NKAIN2: variants seen among roughly 807,000 people sequenced by gnomAD.
NKAIN2 encodes sodium/potassium-transporting ATPase subunit beta-1-interacting protein 2.
NKAIN2 carries 14 observed loss-of-function variants against 32.6 expected under a neutral mutation model. That is an observed-to-expected ratio of 0.43 (90% CI 0.28 to 0.67). NKAIN2 has a LOEUF of 0.67. NKAIN2 is among the 30% of genes least tolerant of loss of function. The probability of loss-of-function intolerance (pLI) is 0.17; values close to 1 mark genes in which losing one functional copy is unlikely to be tolerated. For synonymous variants in NKAIN2, 80 were observed against 87.2 expected (o/e 0.92, Z 0.46); for missense variants, 198 against 258.3 (o/e 0.77, Z 1.60).
At chr6:124,193,583 T>C (rs1790139588) in intron 1 of NKAIN2, among the ~76,000 whole-genome samples, 1 of 152,156 alleles carries the variant, frequency 6.6e-6, no homozygotes, top group African/African-American at 2.4e-5. Context: ...AGCTCTTCTC[T>C]CCTTGTCACC....
chr6:124,414,465 G>A lies in NKAIN2; in HGVS notation c.273+59118G>A, dbSNP rs781599539. Among the ~76,000 whole-genome samples the A allele has an allele frequency of 7.2e-5, 11 of 151,928 alleles. No individual in the cohort carries two copies. The East Asian group carries it at 9.6e-4, about 13-fold the overall frequency. ...TGAGAGATATTGGTCTATAATTTTC[G>A]TTACTTGTATTTCTTGTCCAATCTT... On this transcript the variant is annotated intron_variant, in intron 3 of 6. Transcript: ENST00000368417.
intron 2 of NKAIN2, among the ~76,000 whole-genome samples, chr6:124,319,172 T>C (rs931778120): frequency 1.3e-5 from 2 of 152,072 alleles, no homozygotes; most frequent in Non-Finnish European, 2.9e-5. Flanking sequence ...AGGAAAACTA[T>C]AGTCCAGAGA....
At chr6:124,101,285 A>G (rs1413698211) in intron 1 of NKAIN2, among the ~76,000 whole-genome samples, 2 of 152,180 alleles carry the variant, frequency 1.3e-5, no homozygotes, top group Non-Finnish European at 2.9e-5. Context: ...ATCTCTGAAA[A>G]TCTGCCAAAC....
intron 1 of NKAIN2, among the ~76,000 whole-genome samples, chr6:123,961,559 T>C (rs1376915664): frequency 1.3e-5 from 2 of 152,206 alleles, no homozygotes; most frequent in African/African-American, 4.8e-5. Flanking sequence ...TTGAGTTATA[T>C]TTACTTGCCA....
intron 4 of NKAIN2, among the ~76,000 whole-genome samples, chr6:124,727,307 G>A (rs1014033039): frequency 2.6e-5 from 4 of 152,120 alleles, no homozygotes; most frequent in Admixed American, 1.3e-4. Context: ...AAGCCAGAGA[G>A]AAAGGTCGGG....
intron 3 of NKAIN2, among the ~76,000 whole-genome samples, chr6:124,480,178 A>T (rs1777387793): frequency 6.6e-6 from 1 of 152,166 alleles, no homozygotes; most frequent in South Asian, 2.1e-4. Context: ...TGAGGTAATA[A>T]AATTCTTTTT....
intron 1 of NKAIN2, among the ~76,000 whole-genome samples, chr6:123,894,450 T>G (rs1168120387): frequency 6.6e-6 from 1 of 152,134 alleles, no homozygotes; most frequent in African/African-American, 2.4e-5. Flanking sequence ...GAGCACAGAT[T>G]GTGAAGGTTA....
At chr6:124,522,952 G>T (rs893708706) in intron 3 of NKAIN2, among the ~76,000 whole-genome samples, 6 of 150,284 alleles carry the variant, frequency 4.0e-5, no homozygotes, top group African/African-American at 1.5e-4. Flanking sequence ...GACCATCCCG[G>T]CTAAAACGGT....
At chr6:124,077,331 T>G (rs192188629) in intron 1 of NKAIN2, among the ~76,000 whole-genome samples, 11 of 152,354 alleles carry the variant, frequency 7.2e-5, no homozygotes, top group African/African-American at 2.6e-4. Context: ...TGTCAGTGTT[T>G]TTACATCCGT....
intron 3 of NKAIN2, among the ~76,000 whole-genome samples, chr6:124,384,498 T>C (rs192175131): frequency 3.9e-5 from 6 of 152,294 alleles, no homozygotes; most frequent in Admixed American, 3.3e-4. Context: ...AATTATGTGC[T>C]TTATCAAGAC....
intron 4 of NKAIN2, among the ~76,000 whole-genome samples, chr6:124,683,848 T>C (rs1773738055): frequency 6.6e-6 from 1 of 152,182 alleles, no homozygotes; most frequent in South Asian, 2.1e-4. Flanking sequence ...CGAGCCCACA[T>C]GGTTCTGGCT....
In NKAIN2 at chr6:124,219,044, C is replaced by T. The variant is rs1050852146; in HGVS notation, c.55-63961C>T. Among the ~76,000 whole-genome samples, 4 of 151,914 alleles carry T rather than the reference C, an allele frequency of 2.6e-5. 1 individual carries two copies. The highest frequency in any genetic ancestry group is 9.7e-5 in the African/African-American group (4 of 41,380). On this transcript the variant is annotated intron_variant, in intron 1 of 6. Coordinates refer to ENST00000368417, the MANE Select transcript of NKAIN2 (RefSeq NM_001040214.3). ...TTCCAAACGCTTACTGGGGAGACCA[C>T]CTCCATGATGCAATCACCTCCCTCC...
chr6:124,607,856 G>A (rs73772187), intron 3 of NKAIN2, among the ~76,000 whole-genome samples: 4 of 151,876 alleles, frequency 2.6e-5, no homozygotes, highest in South Asian at 2.1e-4. Context: ...ATAGTATTCC[G>A]TAAATTATAT....
chr6:124,038,420 G>T (rs1781705831), intron 1 of NKAIN2, among the ~76,000 whole-genome samples: 1 of 151,876 alleles, frequency 6.6e-6, no homozygotes, highest in African/African-American at 2.4e-5. Flanking sequence ...TCACCATGTT[G>T]GTCAGGCTGG....
At chr6:124,481,157 C>A (rs910138732) in intron 3 of NKAIN2, among the ~76,000 whole-genome samples, 1 of 144,082 alleles carries the variant, frequency 6.9e-6, no homozygotes, top group Non-Finnish European at 1.5e-5. Flanking sequence ...GATTTCCTGG[C>A]AGGTTAGAGT....
intron 5 of NKAIN2, among the ~76,000 whole-genome samples, chr6:124,803,263 T>G (rs1417801970): frequency 2.0e-5 from 3 of 152,172 alleles, no homozygotes; most frequent in African/African-American, 7.2e-5. Context: ...TACAGGCAAT[T>G]ATTCTTTTGT....
chr6:124,306,439 T>C (rs1796507595), intron 2 of NKAIN2, among the ~76,000 whole-genome samples: 1 of 152,134 alleles, frequency 6.6e-6, no homozygotes, highest in African/African-American at 2.4e-5. Flanking sequence ...AAAATATGGA[T>C]CTTAACTTCT....
At chr6:123,817,504 A>G (rs1275065360) in intron 1 of NKAIN2, among the ~76,000 whole-genome samples, 2 of 152,110 alleles carry the variant, frequency 1.3e-5, no homozygotes, top group African/African-American at 4.8e-5. Flanking sequence ...AGCTGAGGAG[A>G]TTGTGAAGGG....
chr6:124,369,599 C>G (rs896099014), intron 3 of NKAIN2, among the ~76,000 whole-genome samples: 38 of 152,030 alleles, frequency 2.5e-4, no homozygotes, highest in African/African-American at 9.2e-4. Context: ...ATGTGATCCC[C>G]AAGACAATTA....
Sources: gnomAD v4.1 joint callset for allele counts (sites outside exome capture counted in the v4.1 genomes callset) on GRCh38, gnomAD v4.1.1 for gene constraint, MANE v1.5 for transcripts, NCBI Gene and HGNC (gene_info 2026-07-23, HGNC 2026-07-21) for gene names.